FAT3: variants seen among roughly 807,000 people sequenced by gnomAD.
FAT3 encodes protocadherin Fat 3.
A neutral mutation model predicts 310.2 loss-of-function variants in FAT3; 95 were observed. That is an observed-to-expected ratio of 0.31 (90% CI 0.26 to 0.36). The LOEUF is 0.36. Among genes scored for constraint, FAT3 ranks in the 10% least tolerant of loss-of-function variants. FAT3 has a pLI of 1.00. For missense variants in FAT3, 5,408 were observed against 5,715.6 expected (o/e 0.95, Z 1.74); for synonymous variants, 2,314 against 2,192.9 (o/e 1.06, Z -1.54).
At chr11:92,244,391 G>A (rs1284662594) in intron 1 of FAT3, among the ~76,000 whole-genome samples, 4 of 152,054 alleles carry the variant, frequency 2.6e-5, no homozygotes. Flanking sequence ...AATGTTGCAC[G>A]AGACATATTT....
At chr11:92,326,429 G>T (rs1012292087) in intron 1 of FAT3, among the ~76,000 whole-genome samples, 2 of 152,088 alleles carry the variant, frequency 1.3e-5, no homozygotes, top group East Asian at 3.9e-4. Flanking sequence ...CCTTCTAACC[G>T]CCTTCCATGT....
At chr11:92,543,700 C>T (rs1954524668) in intron 3 of FAT3, among the ~76,000 whole-genome samples, 1 of 152,152 alleles carries the variant, frequency 6.6e-6, no homozygotes, top group Non-Finnish European at 1.5e-5. Flanking sequence ...ATGAACTCAT[C>T]AGAAGTAAGC....
At chr11:92,322,433 GT>G (rs751094557) in intron 1 of FAT3, among the ~76,000 whole-genome samples, 41 of 152,322 alleles carry the variant, frequency 2.7e-4, no homozygotes, top group Admixed American at 5.2e-4. Flanking sequence ...GTTTTCTGAA[GT>G]TTGTGGTGGC....
chr11:92,310,347 G>A (rs1270379810), intron 1 of FAT3, among the ~76,000 whole-genome samples: 5 of 152,102 alleles, frequency 3.3e-5, no homozygotes, highest in African/African-American at 9.7e-5. Flanking sequence ...ACTGTAGTGT[G>A]GGAATACACA....
intron 2 of FAT3, among the ~76,000 whole-genome samples, chr11:92,467,521 A>G (rs1951796062): frequency 6.6e-6 from 1 of 152,110 alleles, no homozygotes; most frequent in African/African-American, 2.4e-5. Flanking sequence ...ACTTGTCAGT[A>G]CTCAAATGCC....
chr11:92,620,757 T>C (rs1434638022), intron 3 of FAT3, among the ~76,000 whole-genome samples: 1 of 152,200 alleles, frequency 6.6e-6, no homozygotes, highest in African/African-American at 2.4e-5. Flanking sequence ...TTATCTTAAT[T>C]CAGACTGCTG....
intron 3 of FAT3, among the ~76,000 whole-genome samples, chr11:92,676,992 A>G (rs1413059165): frequency 1.3e-5 from 2 of 152,214 alleles, no homozygotes. Flanking sequence ...ACTTTAGGCT[A>G]CTAAAGACAC....
At chr11:92,290,911 A>T (rs1244594400) in intron 1 of FAT3, among the ~76,000 whole-genome samples, 1 of 152,050 alleles carries the variant, frequency 6.6e-6, no homozygotes, top group Non-Finnish European at 1.5e-5. Context: ...CTAATTGGAG[A>T]ATTTCCACAT....
intron 2 of FAT3, among the ~76,000 whole-genome samples, chr11:92,398,994 AG>A (rs1204316317): frequency 6.6e-6 from 1 of 152,204 alleles, no homozygotes; most frequent in Non-Finnish European, 1.5e-5. Flanking sequence ...AGTAAAGACA[AG>A]TAAAAATGAG....
chr11:92,632,866 T>G (rs995862058), intron 3 of FAT3, among the ~76,000 whole-genome samples: 2 of 152,286 alleles, frequency 1.3e-5, no homozygotes, highest in South Asian at 4.1e-4. Flanking sequence ...CTCTCTTCAC[T>G]CCTCAGTCTT....
Position 92,353,007 on chromosome 11 carries a change from G to A in FAT3, c.895G>A (p.Glu299Lys), listed in dbSNP as rs780987790. The A allele has an allele frequency of 7.4e-6, 12 of 1,613,638 alleles. No homozygotes were observed. Among genetic ancestry groups the A allele is most frequent in the South Asian group, 6.6e-5 (6 of 91,078 alleles). The change falls in exon 2 of 28, where the codon GAA becomes AAA. Residue 299 changes from glutamate (E) to lysine (K), a missense_variant. By Grantham distance (56) the Glu-to-Lys change is moderately conservative. Transcript: ENST00000525166. ...DLDDGANGEI[E>K]SVSIVAGDPL... ...AGATGATGGAGCGAATGGAGAGATCGAATCTGTTTCCATTGTGGCTGGGGA... is the reference window on the plus strand; with the variant it reads ...AGATGATGGAGCGAATGGAGAGATCAAATCTGTTTCCATTGTGGCTGGGGA...
At chr11:92,272,229 T>A (rs1369278184) in intron 1 of FAT3, among the ~76,000 whole-genome samples, 4 of 152,106 alleles carry the variant, frequency 2.6e-5, no homozygotes, top group African/African-American at 9.7e-5. Context: ...AGTGTTCATT[T>A]TGCCCTGCTC....
intron 1 of FAT3, among the ~76,000 whole-genome samples, chr11:92,243,242 A>T (rs16917214): frequency 0.23 from 34,756 of 151,900 alleles, 4,109 homozygotes; most frequent in East Asian, 0.38. Context: ...TGAAAAGGGG[A>T]GACAAAGTTA....
chr11:92,453,335 T>G (rs995522656), intron 2 of FAT3, among the ~76,000 whole-genome samples: 3 of 152,194 alleles, frequency 2.0e-5, no homozygotes, highest in Non-Finnish European at 2.9e-5. Flanking sequence ...CCAAGCTCGC[T>G]GCACTTTAAG....
intron 2 of FAT3, among the ~76,000 whole-genome samples, chr11:92,418,759 G>T (rs961173562): frequency 2.0e-5 from 3 of 152,082 alleles, no homozygotes; most frequent in African/African-American, 7.2e-5. Flanking sequence ...AATTTGCTTG[G>T]ATTCTTTTCT....
chr11:92,379,245 A>G (rs1452171638), intron 2 of FAT3, among the ~76,000 whole-genome samples: 1 of 152,228 alleles, frequency 6.6e-6, no homozygotes, highest in Non-Finnish European at 1.5e-5. Flanking sequence ...AGCACAAAGC[A>G]CATTGCCTAG....
At chr11:92,564,605 C>T (rs10830929) in intron 3 of FAT3, among the ~76,000 whole-genome samples, 59,230 of 151,808 alleles carry the variant, frequency 0.39, 12,293 homozygotes, top group Middle Eastern at 0.53. Flanking sequence ...CACCACACCA[C>T]ACCTATTCCA....
chr11:92,434,622 A>G (rs563664635), intron 2 of FAT3, among the ~76,000 whole-genome samples: 9 of 152,196 alleles, frequency 5.9e-5, no homozygotes, highest in Admixed American at 4.6e-4. Context: ...GCAGATCTCA[A>G]CTGAAAGTCA....
intron 3 of FAT3, among the ~76,000 whole-genome samples, chr11:92,648,844 A>T (rs529468362): frequency 1.3e-5 from 2 of 152,278 alleles, no homozygotes; most frequent in South Asian, 2.1e-4. Context: ...GCCTGTGAAG[A>T]CACTGCAGTC....
Sources: allele counts gnomAD v4.1 joint callset (sites outside exome capture counted in the v4.1 genomes callset), GRCh38; gene constraint gnomAD v4.1.1; transcripts MANE v1.5; gene names NCBI Gene and HGNC (gene_info 2026-07-23, HGNC 2026-07-21).